LRRTM4: variants seen among roughly 807,000 people sequenced by gnomAD.
LRRTM4 encodes leucine rich repeat transmembrane neuronal 4.
A neutral mutation model predicts 47.6 loss-of-function variants in LRRTM4; 25 were observed. The observed-to-expected ratio is 0.53, with a 90% CI of 0.38 to 0.73. LRRTM4 has a LOEUF of 0.73. Among genes scored for constraint, LRRTM4 ranks in the 30% least tolerant of loss-of-function variants. LRRTM4 has a pLI of 0.00. For missense variants in LRRTM4, 638 were observed against 713.4 expected, an observed-to-expected ratio of 0.89 and a Z score of 1.20; for synonymous variants, 311 against 269.5, an observed-to-expected ratio of 1.15 and a Z score of -1.51.
chr2:76,955,566 T>G (rs1050328816), intron 3 of LRRTM4, among the ~76,000 whole-genome samples: 1 of 151,864 alleles, frequency 6.6e-6, no homozygotes, highest in East Asian at 1.9e-4. Context: ...GACAGCGATA[T>G]GAACTGTTTA....
In LRRTM4 at chr2:77,064,644, G is replaced by A. The variant is rs532903679; in HGVS notation, c.1552-315728C>T. On this transcript the variant is annotated intron_variant, in intron 3 of 3. Transcript: ENST00000409884. Reference sequence around the variant, plus strand: ...AAGTTTCCACTCCAGCATTAAGTTCGGGAGTGTATCATCAATCATCACCTT... The same window carrying A: ...AAGTTTCCACTCCAGCATTAAGTTCAGGAGTGTATCATCAATCATCACCTT... Among the ~76,000 whole-genome samples the A allele has an allele frequency of 3.9e-5, 6 of 152,222 alleles. No homozygotes were observed. In the South Asian group the frequency reaches 6.2e-4, roughly 16 times the overall value.
intron 3 of LRRTM4, among the ~76,000 whole-genome samples, chr2:76,796,283 AGCCAG>A (rs1311920948): frequency 1.1e-5 from 1 of 94,706 alleles, no homozygotes; most frequent in Admixed American, 1.1e-4. Flanking sequence ...TAAACAAAGC[AGCCAG>A]GAAGCTCCAA....
intron 3 of LRRTM4, among the ~76,000 whole-genome samples, chr2:76,819,826 T>G (rs1481065375): frequency 6.6e-6 from 1 of 151,958 alleles, no homozygotes; most frequent in African/African-American, 2.4e-5. Context: ...TCCTCAAGTT[T>G]TAACAGCCCT....
intron 3 of LRRTM4, among the ~76,000 whole-genome samples, chr2:76,998,319 C>T (rs1677277350): frequency 6.6e-6 from 1 of 151,700 alleles, no homozygotes; most frequent in Admixed American, 6.6e-5. Context: ...GGTTACATCA[C>T]CAGTCTAACT....
chr2:77,074,697 A>C (rs1680275278), intron 3 of LRRTM4, among the ~76,000 whole-genome samples: 1 of 152,198 alleles, frequency 6.6e-6, no homozygotes, highest in Non-Finnish European at 1.5e-5. Flanking sequence ...AACTATTTAG[A>C]AATTAGTCCC....
intron 3 of LRRTM4, among the ~76,000 whole-genome samples, chr2:77,333,858 G>A (rs901535314): frequency 2.0e-5 from 3 of 152,078 alleles, no homozygotes; most frequent in African/African-American, 7.2e-5. Context: ...GAAAAGCTGC[G>A]GACACTCAGC....
intron 3 of LRRTM4, among the ~76,000 whole-genome samples, chr2:77,094,050 A>C (rs1376071322): frequency 2.0e-5 from 3 of 152,168 alleles, no homozygotes; most frequent in Non-Finnish European, 4.4e-5. Flanking sequence ...TGCTGATGAC[A>C]ATCTTAGAGG....
chr2:77,482,642 A>AT (rs1365814821), intron 3 of LRRTM4, among the ~76,000 whole-genome samples: 1 of 152,194 alleles, frequency 6.6e-6, no homozygotes, highest in Non-Finnish European at 1.5e-5. Context: ...ACATGAAAAA[A>AT]TATTTTCTTT....
chr2:77,030,840 A>C (rs146971923), intron 3 of LRRTM4, among the ~76,000 whole-genome samples: 1 of 152,342 alleles, frequency 6.6e-6, no homozygotes, highest in Admixed American at 6.5e-5. Flanking sequence ...TTGTATCAAC[A>C]TGCATTTCTT....
At chr2:77,267,951 T>C (rs1676092411) in intron 3 of LRRTM4, among the ~76,000 whole-genome samples, 1 of 152,156 alleles carries the variant, frequency 6.6e-6, no homozygotes, top group Admixed American at 6.6e-5. Context: ...ATAACATTTT[T>C]TTCCTTTATA....
chr2:76,919,622 C>T (rs755092967), intron 3 of LRRTM4, among the ~76,000 whole-genome samples: 2 of 152,114 alleles, frequency 1.3e-5, no homozygotes, highest in Non-Finnish European at 2.9e-5. Context: ...CGAGCCCTGA[C>T]ATTTTTTAAT....
At chr2:77,058,101 A>C (rs532189162) in intron 3 of LRRTM4, among the ~76,000 whole-genome samples, 6 of 152,044 alleles carry the variant, frequency 3.9e-5, no homozygotes, top group Non-Finnish European at 7.4e-5. Flanking sequence ...GGTAATGTCT[A>C]TTTTTTCTAG....
intron 3 of LRRTM4, among the ~76,000 whole-genome samples, chr2:77,488,463 C>G (rs1017600831): frequency 6.6e-6 from 1 of 152,138 alleles, no homozygotes; most frequent in African/African-American, 2.4e-5. Context: ...TGTGGCCTGC[C>G]AGGACGAATG....
At chr2:77,508,885 T>C (rs1678874566) in intron 3 of LRRTM4, among the ~76,000 whole-genome samples, 1 of 152,064 alleles carries the variant, frequency 6.6e-6, no homozygotes, top group East Asian at 1.9e-4. Context: ...TAATGTATTG[T>C]TGAAAACTCC....
chr2:77,174,818 C>T (rs1342428950), intron 3 of LRRTM4, among the ~76,000 whole-genome samples: 2 of 151,852 alleles, frequency 1.3e-5, no homozygotes, highest in Non-Finnish European at 2.9e-5. Flanking sequence ...CACAACAGGC[C>T]CTGGTGTGTG....
At chr2:77,178,867 G>A (rs762291218) in intron 3 of LRRTM4, among the ~76,000 whole-genome samples, 1 of 152,070 alleles carries the variant, frequency 6.6e-6, no homozygotes, top group African/African-American at 2.4e-5. Flanking sequence ...GATTCATATT[G>A]TCAAATTGCT....
intron 3 of LRRTM4, among the ~76,000 whole-genome samples, chr2:77,231,919 C>T (rs1438997071): frequency 2.0e-5 from 3 of 152,188 alleles, no homozygotes; most frequent in African/African-American, 7.2e-5. Flanking sequence ...TTTATATTTT[C>T]TAAGTGGTCA....
At chr2:76,945,466 A>T (rs62170337) in intron 3 of LRRTM4, among the ~76,000 whole-genome samples, 21,076 of 152,020 alleles carry the variant, frequency 0.14, 1,784 homozygotes, top group Admixed American at 0.21. Flanking sequence ...TATCATGGCA[A>T]ATGTGCAATG....
chr2:77,405,765 G>C lies in LRRTM4; in HGVS notation c.1551+112553C>G, dbSNP rs555157780. Among the ~76,000 whole-genome samples, 3 of 152,246 alleles carry C rather than the reference G, an allele frequency of 2.0e-5. No individual in the cohort carries two copies. In the East Asian group the frequency reaches 5.8e-4, roughly 29 times the overall value. ...TCTCAAGTCCAGCCATCGCATGTCT[G>C]TTTTTAGTGTTGAATACCTTGGATT... On this transcript the variant is annotated intron_variant, in intron 3 of 3. Transcript: ENST00000409884.
Sources: gnomAD v4.1 joint callset for allele counts (sites outside exome capture counted in the v4.1 genomes callset) on GRCh38, gnomAD v4.1.1 for gene constraint, MANE v1.5 for transcripts, NCBI Gene and HGNC (gene_info 2026-07-23, HGNC 2026-07-21) for gene names.